Variants in PRSS12 observed in about 807,000 individuals in gnomAD.
PRSS12 encodes the protein neurotrypsin.
A neutral mutation model predicts 104.4 loss-of-function variants in PRSS12; 85 were observed. The observed-to-expected ratio is 0.81, with a 90% CI of 0.68 to 0.98. The LOEUF is 0.98. PRSS12 is among the 50% of genes least tolerant of loss of function. The pLI is 0.00. For synonymous variants in PRSS12, 454 were observed against 425.2 expected (o/e 1.07, Z -0.83); for missense variants, 1,141 against 1,139.2 (o/e 1.00, Z -0.02).
chr4:118,335,942 T>C (rs1352654609), intron 2 of PRSS12, among the ~76,000 whole-genome samples: 1 of 152,080 alleles, frequency 6.6e-6, no homozygotes, highest in Non-Finnish European at 1.5e-5. Flanking sequence ...ACTGCAGACA[T>C]AAAAAGTAAG....
intron 3 of PRSS12, among the ~76,000 whole-genome samples, chr4:118,334,304 A>G (rs1724008251): frequency 6.6e-6 from 1 of 152,120 alleles, no homozygotes; most frequent in Admixed American, 6.5e-5. Flanking sequence ...AAAAATGTAG[A>G]TAGATATCCT....
Position 118,352,439 on chromosome 4 carries a change from G to A in PRSS12, c.282C>T (p.Pro94=), listed in dbSNP as rs766914751. The A allele has an allele frequency of 4.0e-6, 6 of 1,493,002 alleles. No homozygotes were observed. Among genetic ancestry groups the A allele is most frequent in the African/African-American group, 1.4e-5 (1 of 69,930 alleles). 92.5% of individuals were successfully genotyped at this position (1,493,002 alleles called of 1,614,324 possible). A position where few individuals can be genotyped will look rare whatever the true frequency, so the allele number is the denominator to read the frequency against. Residue 94 remains proline (P), a synonymous_variant, in exon 1 of 13, where the codon CCC becomes CCT. Coordinates refer to ENST00000296498, the MANE Select transcript of PRSS12 (RefSeq NM_003619.4). ...TCACGCTGACCCATGGCTCGCCGGC[G>A]GGGCAGCCCCAGGGGTGCGGCCGGG... ...HTPRPHPWGC[P]AGEPWVSVTD... is the part of the protein sequence containing the mutation.
At chr4:118,298,363 C>A (rs1743303300) in intron 9 of PRSS12, among the ~76,000 whole-genome samples, 1 of 152,052 alleles carries the variant, frequency 6.6e-6, no homozygotes, top group Non-Finnish European at 1.5e-5. Context: ...GCCTTTAATT[C>A]ATTTCTATAT....
intron 4 of PRSS12, among the ~76,000 whole-genome samples, chr4:118,319,833 G>A (rs146832080): frequency 3.1e-4 from 47 of 151,882 alleles, no homozygotes; most frequent in Middle Eastern, 3.4e-3. Context: ...GCATACCACC[G>A]TGCCAGTGAA....
At chr4:118,307,416 T>C (rs1273448833) in intron 8 of PRSS12, among the ~76,000 whole-genome samples, 1 of 152,212 alleles carries the variant, frequency 6.6e-6, no homozygotes, top group African/African-American at 2.4e-5. Context: ...AAGTGTTCAA[T>C]ATTTAAAATG....
At chr4:118,331,579 C>A in intron 4 of PRSS12, 137 bp downstream of exon 4, 1 of 1,171,580 alleles carries the variant, frequency 8.5e-7, no homozygotes, top group Non-Finnish European at 1.2e-6. Flanking sequence ...AAGCCTACAG[C>A]CCTACTACAA....
At chr4:118,297,218 AG>A (rs1743273328) in intron 9 of PRSS12, among the ~76,000 whole-genome samples, 1 of 152,210 alleles carries the variant, frequency 6.6e-6, no homozygotes, top group Non-Finnish European at 1.5e-5. Flanking sequence ...AGCTGGGCTA[AG>A]ATGAAATCTT....
intron 8 of PRSS12, among the ~76,000 whole-genome samples, chr4:118,307,511 T>C (rs1743586686): frequency 6.6e-6 from 1 of 152,212 alleles, no homozygotes; most frequent in South Asian, 2.1e-4. Flanking sequence ...TATATACATA[T>C]TATCTTAAAT....
intron 8 of PRSS12, chr4:118,303,604 T>C (rs1743455886): frequency 6.6e-6 from 1 of 152,166 alleles, no homozygotes; most frequent in South Asian, 2.1e-4. Flanking sequence ...AATTCATAGC[T>C]GAAAATTTCA....
At chr4:118,313,546 A>C (rs1440945857) in intron 6 of PRSS12, 149 bp from the exon 7 acceptor site, 1 of 833,938 alleles carries the variant, frequency 1.2e-6, no homozygotes, top group African/African-American at 1.7e-5. Flanking sequence ...CGCAGTTTAG[A>C]GCTATGTTCG....
chr4:118,301,348 T>A (rs575642821), intron 8 of PRSS12, among the ~76,000 whole-genome samples: 1 of 152,292 alleles, frequency 6.6e-6, no homozygotes, highest in South Asian at 2.1e-4. Flanking sequence ...TCATCTCACA[T>A]GAATTAAAGT....
intron 4 of PRSS12, among the ~76,000 whole-genome samples, chr4:118,328,756 C>T (rs1417363219): frequency 6.6e-6 from 1 of 151,972 alleles, no homozygotes; most frequent in Non-Finnish European, 1.5e-5. Flanking sequence ...TCCTAGTAGT[C>T]GGGACTACAG....
intron 8 of PRSS12, among the ~76,000 whole-genome samples, chr4:118,302,508 C>G (rs1743425743): frequency 6.6e-6 from 1 of 152,192 alleles, no homozygotes; most frequent in Non-Finnish European, 1.5e-5. Flanking sequence ...CTTACCGCAA[C>G]CTCTCCCTTC....
At position 118,352,401 on chromosome 4, in the gene PRSS12, G is replaced by A; in HGVS notation, c.320C>T (p.Ala107Val). ...CACCTCCGCCCACCGCAGACACGGGGCGCCGAAGTCCGTCACGCTGACCCA... is the reference window on the plus strand; with the variant it reads ...CACCTCCGCCCACCGCAGACACGGGACGCCGAAGTCCGTCACGCTGACCCA... ...EPWVSVTDFG[A>V]PCLRWAEVPP... is the part of the protein sequence containing the mutation. Residue 107 changes from alanine to valine, a missense_variant, in exon 1 of 13, where the codon GCC (alanine) becomes GTC (valine). Coordinates refer to ENST00000296498, the MANE Select transcript of PRSS12 (RefSeq NM_003619.4). The A allele has an allele frequency of 1.3e-6, 2 of 1,540,814 alleles. No homozygotes were observed. The highest frequency in any genetic ancestry group is 1.7e-6 in the Non-Finnish European group (2 of 1,148,244).
At chr4:118,299,965 G>A (rs1249547454) in intron 8 of PRSS12, among the ~76,000 whole-genome samples, 17 of 148,440 alleles carry the variant, frequency 1.1e-4, no homozygotes, top group Non-Finnish European at 2.4e-4. Flanking sequence ...TGGGTGACAA[G>A]GCGAGACTCC....
Position 118,305,520 on chromosome 4 carries a change from T to C in PRSS12, c.1631+2916A>G, listed in dbSNP as rs76870247. ...AAAAATCTTCTTCAGTTTGGACATA[T>C]GCATGTATCTGTGATACCATTACCA... is the stretch of plus-strand genomic sequence containing the variant. On this transcript the variant is annotated intron_variant, in intron 8 of 12. Transcript: ENST00000296498. Among the ~76,000 whole-genome samples, 1,027 of 152,212 alleles carry C rather than the reference T, an allele frequency of 6.7e-3. 12 individuals are homozygous for C. The highest frequency in any genetic ancestry group is 0.023 in the African/African-American group (945 of 41,546).
intron 11 of PRSS12, among the ~76,000 whole-genome samples, chr4:118,286,141 A>T (rs968443414): frequency 2.6e-5 from 4 of 152,140 alleles, no homozygotes; most frequent in African/African-American, 9.7e-5. Flanking sequence ...AAATTTTTCA[A>T]CCCATCCCTC....
intron 4 of PRSS12, among the ~76,000 whole-genome samples, chr4:118,322,095 A>G (rs1211902969): frequency 6.6e-6 from 1 of 152,192 alleles, no homozygotes; most frequent in Non-Finnish European, 1.5e-5. Flanking sequence ...CCAAAATAAA[A>G]CGTTTTGTGC....
rs1560761419 is a variant in PRSS12 at position 118,282,115 on chromosome 4, G to GT, written c.2448dup (p.Arg817ThrfsTer16). 2 of 1,614,142 alleles carry GT rather than the reference G, an allele frequency of 1.2e-6. No individual in the cohort carries two copies. The highest frequency in any genetic ancestry group is 1.7e-6 in the Non-Finnish European group (2 of 1,180,028). On this transcript the variant is annotated frameshift_variant, in exon 13 of 13. Coordinates refer to ENST00000296498, the MANE Select transcript of PRSS12 (RefSeq NM_003619.4). LOFTEE classifies it high-confidence loss of function. ...CTGTCTCCCTGGCAGCTGTCCACGC[G>GT]TTTGTGTTCATGGAGGTTTCCAGCA...
Sources: allele counts gnomAD v4.1 joint callset (sites outside exome capture counted in the v4.1 genomes callset), GRCh38; gene constraint gnomAD v4.1.1; transcripts MANE v1.5; gene names NCBI Gene and HGNC (gene_info 2026-07-23, HGNC 2026-07-21).